The following CCDC102B variants were observed in gnomAD, a reference collection of about 807,000 sequenced individuals.
The protein encoded by CCDC102B is coiled-coil domain-containing protein 102B.
A neutral mutation model predicts 57.4 loss-of-function variants in CCDC102B; 75 were observed. The observed-to-expected ratio is 1.31, with a 90% CI of 1.08 to 1.58. The LOEUF (loss-of-function observed/expected upper bound fraction) is 1.58, where lower values mean the gene tolerates loss of function less well. Among genes scored for constraint, CCDC102B ranks in the 40% most tolerant of loss-of-function variants. The pLI is 0.00. For synonymous variants in CCDC102B, 206 were observed against 201.9 expected, an observed-to-expected ratio of 1.02 and a Z score of -0.17; for missense variants, 636 against 582.6, an observed-to-expected ratio of 1.09 and a Z score of -0.94.
At chr18:68,773,818 A>T (rs1239256270) in intron 2 of CCDC102B, among the ~76,000 whole-genome samples, 1 of 151,996 alleles carries the variant, frequency 6.6e-6, no homozygotes, top group Non-Finnish European at 1.5e-5. Flanking sequence ...AAATGGTATG[A>T]CTGATTTCTT....
chr18:68,978,635 C>G (rs898778518), intron 6 of CCDC102B, among the ~76,000 whole-genome samples: 1 of 151,872 alleles, frequency 6.6e-6, no homozygotes, highest in Non-Finnish European at 1.5e-5. Context: ...TTTTCCCAGT[C>G]AGAATTTACA....
chr18:68,935,572 T>A (rs1263486038), intron 6 of CCDC102B, among the ~76,000 whole-genome samples: 1 of 151,962 alleles, frequency 6.6e-6, no homozygotes, highest in East Asian at 1.9e-4. Context: ...TTTCAGGGGA[T>A]CTGTTAGGTT....
chr18:68,907,775 A>G (rs535302022), intron 6 of CCDC102B, among the ~76,000 whole-genome samples: 1 of 152,226 alleles, frequency 6.6e-6, no homozygotes, highest in South Asian at 2.1e-4. Flanking sequence ...CATGTCTTTT[A>G]CTTCTTTTTC....
At chr18:68,998,598 T>TCTG (rs752377758) in intron 6 of CCDC102B, among the ~76,000 whole-genome samples, 4 of 151,386 alleles carry the variant, frequency 2.6e-5, no homozygotes, top group East Asian at 2.0e-4. Flanking sequence ...ACCCCCAAAG[T>TCTG]AGGGAAGCCA....
chr18:68,852,125 G>A (rs2038155823), intron 4 of CCDC102B, among the ~76,000 whole-genome samples: 1 of 133,446 alleles, frequency 7.5e-6, no homozygotes, highest in Non-Finnish European at 1.7e-5. Context: ...GGAAGGTGTG[G>A]CCACTTCCCT....
intron 2 of CCDC102B, chr18:68,753,109 T>A (rs1362186172): frequency 2.0e-5 from 3 of 152,170 alleles, no homozygotes; most frequent in Non-Finnish European, 4.4e-5. Context: ...GTTTATCTTA[T>A]ATATTGAGTT....
intron 6 of CCDC102B, among the ~76,000 whole-genome samples, chr18:69,002,585 C>T (rs1333961815): frequency 6.6e-6 from 1 of 152,132 alleles, no homozygotes; most frequent in Admixed American, 6.6e-5. Context: ...TATCACGTAA[C>T]AGAAAAACAT....
intron 4 of CCDC102B, among the ~76,000 whole-genome samples, chr18:68,857,326 TATAA>T (rs2038511907): frequency 1.4e-5 from 1 of 73,892 alleles, no homozygotes; most frequent in Admixed American, 2.3e-4. Flanking sequence ...ATATTATATA[TATAA>T]AATATATATT....
intron 2 of CCDC102B, among the ~76,000 whole-genome samples, chr18:68,787,319 G>C (rs1246474527): frequency 6.6e-6 from 1 of 151,734 alleles, no homozygotes; most frequent in Non-Finnish European, 1.5e-5. Context: ...CCCGGCTTTG[G>C]TATCAGAATG....
chr18:68,872,058 T>C, intron 4 of CCDC102B, among the ~76,000 whole-genome samples: 1 of 134,944 alleles, frequency 7.4e-6, no homozygotes, highest in East Asian at 2.2e-4. Flanking sequence ...GGATGTGGCA[T>C]GTGAGAGAAT....
At chr18:68,850,378 C>T (rs1464513874) in intron 4 of CCDC102B, among the ~76,000 whole-genome samples, 12 of 151,950 alleles carry the variant, frequency 7.9e-5, no homozygotes, top group Admixed American at 2.6e-4. Context: ...TTTTTCTCCC[C>T]GCCATGGAAC....
intron 1 of CCDC102B, among the ~76,000 whole-genome samples, chr18:68,799,822 A>G (rs1361782838): frequency 6.6e-6 from 1 of 151,850 alleles, no homozygotes; most frequent in Non-Finnish European, 1.5e-5. Context: ...ATTGGAGCAG[A>G]AAAAATATAC....
chr18:68,781,536 A>G (rs2035007929), intron 2 of CCDC102B, among the ~76,000 whole-genome samples: 1 of 152,184 alleles, frequency 6.6e-6, no homozygotes, highest in South Asian at 2.1e-4. Context: ...CTGTCCTCCA[A>G]GAATTAATGG....
intron 6 of CCDC102B, among the ~76,000 whole-genome samples, chr18:68,919,226 A>C (rs565041790): frequency 1.3e-5 from 2 of 152,236 alleles, no homozygotes; most frequent in South Asian, 4.1e-4. Context: ...GTGATAATGA[A>C]ACTAAGTTAT....
At chr18:69,010,724 G>T (rs2051491759) in intron 6 of CCDC102B, among the ~76,000 whole-genome samples, 1 of 152,088 alleles carries the variant, frequency 6.6e-6, no homozygotes, top group East Asian at 1.9e-4. Context: ...ACAACGTAAA[G>T]AGTGCATTGT....
intron 6 of CCDC102B, among the ~76,000 whole-genome samples, chr18:68,963,269 A>G (rs1026448560): frequency 3.9e-5 from 6 of 151,996 alleles, no homozygotes; most frequent in African/African-American, 1.4e-4. Context: ...AATAAAAATT[A>G]AGGATTTCTG....
chr18:68,715,326 A>G (rs2031876321), exon 1 of CCDC102B: 1 of 1,054,834 alleles, frequency 9.5e-7, no homozygotes, highest in Non-Finnish European at 1.2e-6. Context: ...CGTTTCCGGG[A>G]AGGTGAATAC....
rs548852462 is a variant in CCDC102B at position 68,880,342 on chromosome 18, A to T, written c.1053+5557A>T. 2.3e-3 allele frequency among the ~76,000 whole-genome samples: 350 copies of T among 152,178 alleles called. 1 individual carries two copies. Among genetic ancestry groups the T allele is most frequent in the African/African-American group, 6.8e-3 (281 of 41,524 alleles). On this transcript the variant is annotated intron_variant, in intron 5 of 7. Transcript: ENST00000360242. ...CCGGAACTCCAGCTGGCCCGCAAGC[A>T]CCGCGCGCAGCCCCGGTTCCTGCTC...
chr18:68,765,349 GAAAGAAAGAAAGAAAGAAAGAAAGAAAGA>G (rs1568238936), intron 2 of CCDC102B, among the ~76,000 whole-genome samples: 4 of 120,098 alleles, frequency 3.3e-5, no homozygotes, highest in East Asian at 2.4e-4. Context: ...AAGAAAGAAA[GAAAGAAAGAAAGAAAGAAAGAAAGAAAGA>G]AAAGAAAGAA....
Sources: allele counts gnomAD v4.1 joint callset (sites outside exome capture counted in the v4.1 genomes callset), GRCh38; gene constraint gnomAD v4.1.1; transcripts MANE v1.5; gene names NCBI Gene and HGNC (gene_info 2026-07-23, HGNC 2026-07-21).